UBP1: variants seen among roughly 807,000 people sequenced by gnomAD.
The protein encoded by UBP1 is upstream binding protein 1.
A neutral mutation model predicts 76.1 loss-of-function variants in UBP1; 22 were observed. The ratio of observed to expected loss-of-function variants is 0.29; its 90% confidence interval spans 0.21 to 0.41. The LOEUF (loss-of-function observed/expected upper bound fraction) is 0.41, where lower values mean the gene tolerates loss of function less well. Ranked by LOEUF, UBP1 falls within the 10% of genes least tolerant of loss-of-function variation. UBP1 has a pLI of 1.00. For synonymous variants in UBP1, 224 were observed against 237.1 expected, an observed-to-expected ratio of 0.94 and a Z score of 0.51; for missense variants, 436 against 668.1, an observed-to-expected ratio of 0.65 and a Z score of 3.83.
intron 1 of UBP1, among the ~76,000 whole-genome samples, chr3:33,426,001 ATATATATATATATATATATAT>A (rs1559690460): frequency 0.019 from 960 of 49,520 alleles, 37 homozygotes; most frequent in African/African-American, 0.066. Flanking sequence ...CTCTGAATAT[ATATATATATATATATATATAT>A]ATATATATAT....
intron 13 of UBP1, among the ~76,000 whole-genome samples, chr3:33,395,509 C>T (rs1291193597): frequency 6.6e-6 from 1 of 151,820 alleles, no homozygotes; most frequent in East Asian, 1.9e-4. Flanking sequence ...TATCTCTGTC[C>T]TAATCCAGCA....
intron 2 of UBP1, among the ~76,000 whole-genome samples, chr3:33,421,632 C>G (rs1286964873): frequency 1.3e-5 from 2 of 152,232 alleles, no homozygotes; most frequent in Admixed American, 1.3e-4. Context: ...CAAAAAATGA[C>G]ACTAAGACAT....
At chr3:33,391,871 A>T (rs1021878761) in intron 15 of UBP1, 3 of 152,356 alleles carry the variant, frequency 2.0e-5, no homozygotes, top group African/African-American at 7.2e-5. Flanking sequence ...GTAAATCCGA[A>T]CTACCATCAT....
At chr3:33,436,600 A>G (rs538625437) in intron 1 of UBP1, among the ~76,000 whole-genome samples, 13 of 152,366 alleles carry the variant, frequency 8.5e-5, no homozygotes, top group African/African-American at 3.1e-4. Flanking sequence ...TATAACCTTC[A>G]AAAATATTTC....
Position 33,393,240 on chromosome 3 carries a change from T to C in UBP1, c.1533+72A>G. On this transcript the variant is annotated intron_variant, in intron 14 of 15. Transcript: ENST00000283629. ...TTTTCAAAAGAGGTCACAGAATTTTTCTACAGTTCTACAATTACATGTATA... is the reference window on the plus strand; with the variant it reads ...TTTTCAAAAGAGGTCACAGAATTTTCCTACAGTTCTACAATTACATGTATA... 7 of 1,418,344 alleles carry C rather than the reference T, an allele frequency of 4.9e-6. 1 individual carries two copies. The South Asian group carries it at 1.1e-4, about 22-fold the overall frequency. 87.9% of individuals were successfully genotyped at this position (1,418,344 alleles called of 1,614,324 possible).
At chr3:33,395,750 G>GAAAAAAAAAAAAAAAAAAA (rs61654235) in intron 13 of UBP1, among the ~76,000 whole-genome samples, 1 of 69,778 alleles carries the variant, frequency 1.4e-5, no homozygotes, top group Non-Finnish European at 2.6e-5. Flanking sequence ...CAGGAAAATT[G>GAAAAAAAAAAAAAAAAAAA]AAAAAAAAAA....
intron 4 of UBP1, among the ~76,000 whole-genome samples, 169 bp downstream of exon 4, chr3:33,412,553 T>C (rs932447742): frequency 4.1e-5 from 6 of 146,698 alleles, no homozygotes; most frequent in Non-Finnish European, 8.9e-5. Context: ...ACTGCACTTA[T>C]CCTGGGCGAG....
At chr3:33,431,936 C>A (rs2045121285) in intron 1 of UBP1, among the ~76,000 whole-genome samples, 1 of 152,118 alleles carries the variant, frequency 6.6e-6, no homozygotes, top group African/African-American at 2.4e-5. Context: ...ACATACTTGA[C>A]AGCCAAGGTC....
At chr3:33,422,625 T>G (rs1004194169) in intron 2 of UBP1, among the ~76,000 whole-genome samples, 7 of 151,768 alleles carry the variant, frequency 4.6e-5, no homozygotes, top group African/African-American at 1.4e-4. Flanking sequence ...CTCAGGAGGC[T>G]AGGGTGGGTG....
At chr3:33,401,727 A>G (rs926139020) in intron 9 of UBP1, among the ~76,000 whole-genome samples, 2 of 152,216 alleles carry the variant, frequency 1.3e-5, no homozygotes, top group African/African-American at 4.8e-5. Context: ...TTTGGGCACT[A>G]ATGTATCAGA....
chr3:33,427,991 G>C (rs1212030727), intron 1 of UBP1, among the ~76,000 whole-genome samples: 4 of 152,126 alleles, frequency 2.6e-5, no homozygotes. Flanking sequence ...AGGAGTTCGA[G>C]ACATGGCGGG....
intron 3 of UBP1, chr3:33,414,110 G>A (rs1331229322): frequency 1.3e-5 from 2 of 152,056 alleles, no homozygotes; most frequent in South Asian, 2.1e-4. Flanking sequence ...ATAAAAGGAG[G>A]ACCAAAGTTA....
At chr3:33,438,048 T>A (rs2045230270) in intron 1 of UBP1, among the ~76,000 whole-genome samples, 2 of 151,952 alleles carry the variant, frequency 1.3e-5, no homozygotes, top group South Asian at 4.2e-4. Flanking sequence ...CTGTAAAGAG[T>A]ACTGTAGGTT....
In UBP1 at chr3:33,402,994, G is replaced by A. The variant is rs1410035705; in HGVS notation, c.928-90C>T. On this transcript the variant is annotated intron_variant, in intron 8 of 15. Coordinates refer to ENST00000283629, the MANE Select transcript of UBP1 (RefSeq NM_014517.5). Reference sequence around the variant, plus strand: ...TAATTCACTCACTAACCAAATGCAAGATTATAAAATGCGAGACAGCTGACA... The same window carrying A: ...TAATTCACTCACTAACCAAATGCAAAATTATAAAATGCGAGACAGCTGACA... 9.6e-6 allele frequency: 11 copies of A among 1,140,390 alleles called. No homozygotes were observed. In the East Asian group the frequency reaches 2.9e-4, roughly 30 times the overall value. The allele number at this position is 1,140,390 out of a possible 1,614,324, so 70.6% of individuals were successfully genotyped here.
At chr3:33,432,958 G>A (rs188153090) in intron 1 of UBP1, among the ~76,000 whole-genome samples, 38 of 152,238 alleles carry the variant, frequency 2.5e-4, no homozygotes, top group African/African-American at 8.9e-4. Flanking sequence ...AAAATGAAGA[G>A]TTTTAAGTTA....
At position 33,440,203 on chromosome 3, in the gene UBP1, G is replaced by C. The variant is rs2045270772; in HGVS notation, c.-355C>G. The stretch of plus-strand genomic sequence containing the variant: ...GTCGCATCCTCCTCCGGGACCGCTG[G>C]GAGGCTGGACCTCGGGCCGCTCCGA... On this transcript the variant is annotated 5_prime_UTR_variant, in exon 1 of 16. Coordinates refer to ENST00000283629, the MANE Select transcript of UBP1 (RefSeq NM_014517.5). The C allele has an allele frequency of 6.4e-6, 1 of 156,588 alleles. No individual in the cohort carries two copies. Among genetic ancestry groups the C allele is most frequent in the Non-Finnish European group, 1.4e-5 (1 of 70,902 alleles). The allele number at this position is 156,588 out of a possible 1,614,324, so 9.7% of individuals were successfully genotyped here. A position where few individuals can be genotyped will look rare whatever the true frequency, so the allele number is the denominator to read the frequency against.
At chr3:33,433,365 TAAAAAAAAAAAAA>T (rs1170395728) in intron 1 of UBP1, among the ~76,000 whole-genome samples, 1 of 113,086 alleles carries the variant, frequency 8.8e-6, no homozygotes, top group Non-Finnish European at 1.8e-5. Context: ...ACCCAGCCTT[TAAAAAAAAAAAAA>T]AAAAAAAAAA....
intron 2 of UBP1, among the ~76,000 whole-genome samples, chr3:33,417,973 A>G (rs2044773706): frequency 6.6e-6 from 1 of 152,228 alleles, no homozygotes; most frequent in Admixed American, 6.5e-5. Context: ...AAAGTTGCTT[A>G]CATTCATTCA....
At chr3:33,393,231 CAG>C in intron 14 of UBP1, 79 bp downstream of exon 14, 1 of 1,380,718 alleles carries the variant, frequency 7.2e-7, no homozygotes, top group Middle Eastern at 2.0e-4. Context: ...AAAGAGGTCA[CAG>C]AATTTTTCTA....
Sources: allele counts gnomAD v4.1 joint callset (sites outside exome capture counted in the v4.1 genomes callset), GRCh38; gene constraint gnomAD v4.1.1; transcripts MANE v1.5; gene names NCBI Gene and HGNC (gene_info 2026-07-23, HGNC 2026-07-21).